TNRC6C: variants seen among roughly 807,000 people sequenced by gnomAD.
TNRC6C encodes the protein trinucleotide repeat containing adaptor 6C.
TNRC6C carries 20 observed loss-of-function variants against 153.7 expected under a neutral mutation model. The ratio of observed to expected loss-of-function variants is 0.13; its 90% CI spans 0.09 to 0.19. The LOEUF (loss-of-function observed/expected upper bound fraction) is 0.19. Among genes scored for constraint, TNRC6C ranks in the 10% least tolerant of loss-of-function variants. The pLI, the probability that TNRC6C is intolerant of heterozygous loss-of-function variation, is 1.00. For synonymous variants in TNRC6C, 811 were observed against 841.4 expected (o/e 0.96, Z 0.63); for missense variants, 1,987 against 2,172.0 (o/e 0.91, Z 1.69).
At chr17:78,050,337 G>A (rs777905479) in exon 3 of TNRC6C, 1 of 1,606,586 alleles carries the variant, frequency 6.2e-7, no homozygotes, top group East Asian at 2.2e-5. Flanking sequence ...GAGATAAAGG[G>A]ATTATAGACC....
chr17:78,009,333 A>G (rs1429102140), intron 1 of TNRC6C, among the ~76,000 whole-genome samples: 1 of 151,288 alleles, frequency 6.6e-6, no homozygotes, highest in Non-Finnish European at 1.5e-5. Context: ...AGTTTTCAGT[A>G]TTGTTTTCTG....
chr17:78,084,621 C>CT (rs888498648), intron 11 of TNRC6C, among the ~76,000 whole-genome samples: 33,220 of 134,104 alleles, frequency 0.25, 4,385 homozygotes, highest in East Asian at 0.37. Context: ...TTTTCTTTTT[C>CT]TTTTTTTTTT....
At chr17:78,003,035 G>T (rs9900941), upstream of TNRC6C, among the ~76,000 whole-genome samples, 1,702 of 152,306 alleles carry the variant, frequency 0.011, 36 homozygotes, top group African/African-American at 0.037. Flanking sequence ...CAGAATGCGG[G>T]ATAGTGGCAT....
At chr17:78,027,967 C>T (rs2071976213) in intron 1 of TNRC6C, among the ~76,000 whole-genome samples, 1 of 150,330 alleles carries the variant, frequency 6.7e-6, no homozygotes, top group Non-Finnish European at 1.5e-5. Context: ...GCGATCTCCG[C>T]TCATTGCAAG....
At chr17:78,086,973 C>T (rs370403402) in exon 13 of TNRC6C, 1 of 1,613,696 alleles carries the variant, frequency 6.2e-7, no homozygotes, top group Non-Finnish European at 8.5e-7. Flanking sequence ...GTCTCTGCAC[C>T]CCTCTGCAGG....
At chr17:78,022,919 C>T (rs2071863457) in intron 1 of TNRC6C, among the ~76,000 whole-genome samples, 1 of 152,076 alleles carries the variant, frequency 6.6e-6, no homozygotes, top group South Asian at 2.1e-4. Context: ...ATTCCATAAA[C>T]AATACAGTAT....
chr17:77,992,767 T>A (rs2071271458), intron 1 of TNRC6C, among the ~76,000 whole-genome samples: 1 of 152,184 alleles, frequency 6.6e-6, no homozygotes, highest in Admixed American at 6.5e-5. Context: ...TAGACCTGAA[T>A]GCTAGGGAAA....
At chr17:78,087,149 C>T (rs998925954) in intron 13 of TNRC6C, 56 bp downstream of exon 15, 44 of 1,582,758 alleles carry the variant, frequency 2.8e-5, no homozygotes, top group Admixed American at 7.0e-5. Flanking sequence ...ACCTGGAGTC[C>T]GTATGTGGTA....
intron 1 of TNRC6C, among the ~76,000 whole-genome samples, chr17:77,974,424 T>G (rs1218505590): frequency 6.6e-6 from 1 of 152,214 alleles, no homozygotes; most frequent in Non-Finnish European, 1.5e-5. Context: ...TTGTTTATGG[T>G]ACCTACCTCA....
At chr17:78,048,206 A>G (rs914449366) in intron 2 of TNRC6C, among the ~76,000 whole-genome samples, 7 of 152,038 alleles carry the variant, frequency 4.6e-5, no homozygotes, top group African/African-American at 1.7e-4. Flanking sequence ...CAAATTGCAG[A>G]TAAGATCAGA....
chr17:78,098,521 C>T, exon 17 of TNRC6C: 1 of 1,613,082 alleles, frequency 6.2e-7, no homozygotes, highest in Non-Finnish European at 8.5e-7. Context: ...TCGGCTGGAC[C>T]AGCTCCTACT....
In TNRC6C at chr17:78,050,597, C is replaced by A. The variant is rs912127139; in HGVS notation, c.1535C>A (p.Ala512Glu). 1.9e-6 allele frequency: 3 copies of A among 1,584,192 alleles called. No individual in the cohort carries two copies. The African/African-American group carries it at 4.0e-5, about 21-fold the overall frequency. The change falls in exon 3 of 20, where the codon GCG becomes GAG. Residue 512 changes from alanine to glutamate, a missense_variant. Coordinates refer to ENST00000301624, the Ensembl canonical transcript of TNRC6C. ...TCTTCAGTATCTGGGTGGGTCAACG[C>A]GCCACCTGCCGCTGTGCCAGCAAAC... is the stretch of plus-strand genomic sequence containing the variant.
intron 7 of TNRC6C, among the ~76,000 whole-genome samples, chr17:78,074,710 A>G (rs1256061521): frequency 1.3e-5 from 2 of 152,362 alleles, no homozygotes; most frequent in East Asian, 3.9e-4. Flanking sequence ...TCTTTTGCAG[A>G]CAGAATAATC....
chr17:78,106,561 A>C (rs1219911376), exon 20 of TNRC6C: 1 of 151,644 alleles, frequency 6.6e-6, no homozygotes, highest in Non-Finnish European at 1.5e-5. Context: ...AAAATGAAAA[A>C]AAAGAAAAAG....
Position 78,008,136 on chromosome 17 carries a change from A to G in TNRC6C, c.-546+3057A>G, listed in dbSNP as rs1175880153. ...TGTTTGCATCTGGCTATAACCATCAAACTTGAACTATGAATTCTTATTTAA... is the reference window on the plus strand; with the variant it reads ...TGTTTGCATCTGGCTATAACCATCAGACTTGAACTATGAATTCTTATTTAA... On this transcript the variant is annotated intron_variant, in intron 1 of 19. Coordinates refer to ENST00000301624, the Ensembl canonical transcript of TNRC6C. 2.6e-5 allele frequency among the ~76,000 whole-genome samples: 4 copies of G among 152,210 alleles called. No individual in the cohort carries two copies. In the East Asian group the frequency reaches 5.8e-4, roughly 22 times the overall value.
intron 4 of TNRC6C, chr17:78,067,046 A>G (rs546061048): frequency 2.6e-5 from 4 of 152,322 alleles, no homozygotes; most frequent in African/African-American, 9.6e-5. Context: ...GAAGCATCCC[A>G]TATACAAATT....
intron 7 of TNRC6C, 37 bp downstream of exon 9, chr17:78,073,131 G>T (rs1217621103): frequency 6.6e-7 from 1 of 1,516,314 alleles, no homozygotes; most frequent in Admixed American, 2.0e-5. Flanking sequence ...AAGGTACCCA[G>T]CTGTGAAGTT....
At chr17:78,017,297 G>A (rs115495590) in intron 1 of TNRC6C, among the ~76,000 whole-genome samples, 1,714 of 151,130 alleles carry the variant, frequency 0.011, 29 homozygotes, top group African/African-American at 0.04. Context: ...TAAGATAGAA[G>A]CACCTCAGCG....
chr17:77,964,176 A>G (rs2070880744), intron 1 of TNRC6C, among the ~76,000 whole-genome samples: 1 of 152,242 alleles, frequency 6.6e-6, no homozygotes, highest in Admixed American at 6.5e-5. Flanking sequence ...AAAATGAAGA[A>G]GAGTGTGACT....
Sources: gnomAD v4.1 joint callset for allele counts (sites outside exome capture counted in the v4.1 genomes callset) on GRCh38, gnomAD v4.1.1 for gene constraint, MANE v1.5 for transcripts, NCBI Gene and HGNC (gene_info 2026-07-23, HGNC 2026-07-21) for gene names.